TNFSF4: variants seen among roughly 807,000 people sequenced by gnomAD.
TNFSF4 encodes the protein TNF superfamily member 4, also known as tumor necrosis factor ligand superfamily member 4.
A neutral mutation model predicts 7.3 loss-of-function variants in TNFSF4; 4 were observed. The observed-to-expected ratio is 0.55, with a 90% CI of 0.27 to 1.25. The LOEUF is 1.25. TNFSF4 is among the 50% of genes most tolerant of loss of function. TNFSF4 has a pLI of 0.12. For synonymous variants in TNFSF4, 76 were observed against 83.7 expected (o/e 0.91, Z 0.50); for missense variants, 181 against 208.8 (o/e 0.87, Z 0.82).
At chr1:173,287,122 A>C in the TNFSF4 span, among the ~76,000 whole-genome samples, 2 of 152,130 alleles carry the variant, frequency 1.3e-5, no homozygotes, top group Non-Finnish European at 2.9e-5. Context: ...GTTCAAGACC[A>C]GGCTGGGCAA....
chr1:173,210,954 G>A (rs1212968490), upstream of TNFSF4, among the ~76,000 whole-genome samples: 1 of 152,174 alleles, frequency 6.6e-6, no homozygotes, highest in African/African-American at 2.4e-5. Flanking sequence ...TGAACAAAGG[G>A]CTGTACTCAT....
the TNFSF4 span, among the ~76,000 whole-genome samples, chr1:173,247,308 G>A: frequency 5.9e-5 from 9 of 152,144 alleles, no homozygotes; most frequent in African/African-American, 1.2e-4. Context: ...GACTAGATAC[G>A]GTGTGAGATT....
chr1:173,268,802 C>T, the TNFSF4 span, among the ~76,000 whole-genome samples: 2 of 151,994 alleles, frequency 1.3e-5, no homozygotes, highest in African/African-American at 4.8e-5. Context: ...ATATATCATG[C>T]ATAATCAATA....
the TNFSF4 span, among the ~76,000 whole-genome samples, chr1:173,383,205 C>T: frequency 6.6e-6 from 1 of 152,130 alleles, no homozygotes; most frequent in Admixed American, 6.5e-5. Context: ...AAACACCTTA[C>T]AGCCCCTGCC....
At chr1:173,258,749 CTT>C in the TNFSF4 span, among the ~76,000 whole-genome samples, 1 of 152,162 alleles carries the variant, frequency 6.6e-6, no homozygotes, top group East Asian at 1.9e-4. Flanking sequence ...CAGATTGACT[CTT>C]TAGGTGGGAC....
the TNFSF4 span, among the ~76,000 whole-genome samples, chr1:173,287,249 C>T: frequency 1.3e-5 from 2 of 152,132 alleles, no homozygotes; most frequent in African/African-American, 4.8e-5. Flanking sequence ...GCAGGAGGAT[C>T]ATTTGAACCC....
the TNFSF4 span, among the ~76,000 whole-genome samples, chr1:173,395,723 A>T: frequency 1.3e-5 from 2 of 152,038 alleles, no homozygotes; most frequent in African/African-American, 4.8e-5. Context: ...TAAAGTGAGG[A>T]CATAAAGTAG....
chr1:173,195,510 C>G (rs900846656), intron 1 of TNFSF4, among the ~76,000 whole-genome samples: 1 of 152,164 alleles, frequency 6.6e-6, no homozygotes, highest in Non-Finnish European at 1.5e-5. Context: ...ACTGGGCTGT[C>G]CAAAAACAAA....
the TNFSF4 span, among the ~76,000 whole-genome samples, chr1:173,223,690 G>T: frequency 2.0e-5 from 3 of 152,124 alleles, no homozygotes; most frequent in African/African-American, 4.8e-5. Flanking sequence ...TTACTTTGTT[G>T]CCCTGTCTTC....
At chr1:173,325,655 T>C in the TNFSF4 span, among the ~76,000 whole-genome samples, 3 of 147,984 alleles carry the variant, frequency 2.0e-5, no homozygotes, top group South Asian at 2.1e-4. Context: ...AAGAATCAAA[T>C]AGACGCAATA....
At chr1:173,377,530 C>T in the TNFSF4 span, among the ~76,000 whole-genome samples, 1 of 152,208 alleles carries the variant, frequency 6.6e-6, no homozygotes, top group African/African-American at 2.4e-5. Flanking sequence ...GCCCATCTAT[C>T]CTATCGATCC....
the TNFSF4 span, among the ~76,000 whole-genome samples, chr1:173,260,048 C>T: frequency 6.6e-6 from 1 of 152,060 alleles, no homozygotes; most frequent in African/African-American, 2.4e-5. Flanking sequence ...GTCAGATTCT[C>T]CAAGGTCAAA....
chr1:173,439,879 A>G, the TNFSF4 span, among the ~76,000 whole-genome samples: 1 of 152,234 alleles, frequency 6.6e-6, no homozygotes, highest in South Asian at 2.1e-4. Flanking sequence ...AAGATCTAAC[A>G]GAAGAAAGCT....
At chr1:173,401,966 T>C in the TNFSF4 span, among the ~76,000 whole-genome samples, 2 of 152,354 alleles carry the variant, frequency 1.3e-5, no homozygotes, top group South Asian at 4.1e-4. Context: ...GTAAAGTTTG[T>C]GCCAGCTAGA....
At chr1:173,262,242 A>T in the TNFSF4 span, among the ~76,000 whole-genome samples, 1 of 152,154 alleles carries the variant, frequency 6.6e-6, no homozygotes, top group Non-Finnish European at 1.5e-5. Flanking sequence ...CATGATTATC[A>T]TCATAGATGC....
At chr1:173,425,911 G>A in the TNFSF4 span, among the ~76,000 whole-genome samples, 1 of 152,194 alleles carries the variant, frequency 6.6e-6, no homozygotes, top group Non-Finnish European at 1.5e-5. Context: ...AGATGTGAAA[G>A]TCCTTACTGG....
the TNFSF4 span, among the ~76,000 whole-genome samples, chr1:173,319,449 G>A: frequency 6.6e-6 from 1 of 152,196 alleles, no homozygotes; most frequent in Non-Finnish European, 1.5e-5. Flanking sequence ...TGCTGACTCT[G>A]AAGAGAGCAG....
At chr1:173,351,663 G>A in the TNFSF4 span, 1 of 275,462 alleles carries the variant, frequency 3.6e-6, no homozygotes, top group Non-Finnish European at 6.7e-6. Context: ...CATGTTAAGA[G>A]GGAAGTTTAT....
the TNFSF4 span, among the ~76,000 whole-genome samples, chr1:173,418,787 G>A: frequency 5.3e-5 from 8 of 152,170 alleles, no homozygotes; most frequent in South Asian, 2.1e-4. Flanking sequence ...TGGTCATGGC[G>A]AGCCTTACAT....
Sources: allele counts gnomAD v4.1 joint callset (sites outside exome capture counted in the v4.1 genomes callset), GRCh38; gene constraint gnomAD v4.1.1; transcripts MANE v1.5; gene names NCBI Gene and HGNC (gene_info 2026-07-23, HGNC 2026-07-21).